The following FSIP1 variants were observed in gnomAD, a reference collection of about 807,000 sequenced individuals.
FSIP1 encodes fibrous sheath-interacting protein 1.
FSIP1 carries 65 observed loss-of-function variants against 60.9 expected under a neutral mutation model. That is an observed-to-expected ratio of 1.07 (90% CI 0.87 to 1.31). FSIP1 has a LOEUF of 1.31. Among genes scored for constraint, FSIP1 ranks in the 40% most tolerant of loss-of-function variants. The probability of loss-of-function intolerance (pLI) is 0.00; values close to 1 mark genes in which losing one functional copy is unlikely to be tolerated. For missense variants in FSIP1, 675 were observed against 665.5 expected, an observed-to-expected ratio of 1.01 and a Z score of -0.16; for synonymous variants, 209 against 221.2, an observed-to-expected ratio of 0.94 and a Z score of 0.49.
chr15:39,677,266 A>C (rs1053635663), intron 10 of FSIP1, among the ~76,000 whole-genome samples: 3 of 152,220 alleles, frequency 2.0e-5, no homozygotes, highest in Non-Finnish European at 2.9e-5. Context: ...TCAAAAGAAC[A>C]AACATACACA....
chr15:39,693,263 G>A (rs1000979081), intron 10 of FSIP1, among the ~76,000 whole-genome samples: 1 of 152,178 alleles, frequency 6.6e-6, no homozygotes, highest in African/African-American at 2.4e-5. Flanking sequence ...GACTTCCAAT[G>A]CTCTCACTGG....
intron 9 of FSIP1, among the ~76,000 whole-genome samples, chr15:39,724,275 C>T (rs563996297): frequency 5.5e-5 from 8 of 146,142 alleles, no homozygotes; most frequent in South Asian, 2.1e-4. Context: ...TTTTTTGAGA[C>T]GGAGTCTCAC....
At chr15:39,739,127 C>T (rs1313523996) in intron 7 of FSIP1, among the ~76,000 whole-genome samples, 1 of 152,154 alleles carries the variant, frequency 6.6e-6, no homozygotes, top group African/African-American at 2.4e-5. Context: ...GCTGCAAGGC[C>T]TGTAAGACCA....
chr15:39,617,771 G>T lies in FSIP1; in HGVS notation c.1663C>A (p.His555Asn). The T allele has an allele frequency of 6.2e-7, 1 of 1,613,840 alleles. No homozygotes were observed. Residue 555 changes from histidine (H) to asparagine (N), a missense_variant, in exon 11 of 12, where the codon CAT (histidine) becomes AAT (asparagine). Coordinates refer to ENST00000350221, the MANE Select transcript of FSIP1 (RefSeq NM_152597.5). The part of the protein sequence containing the change: ...ISVSLSSEDQ[H>N]LKLSSPENTI... ...TTCTCTGGAGAACTGAGTTTCAGAT[G>T]TTGGTCTTCTGATGAAAGGCTCACA...
At chr15:39,739,117 G>C (rs1896716206) in intron 7 of FSIP1, among the ~76,000 whole-genome samples, 1 of 152,154 alleles carries the variant, frequency 6.6e-6, no homozygotes, top group Non-Finnish European at 1.5e-5. Context: ...TTAAAGACAG[G>C]CTGCAAGGCC....
chr15:39,739,858 G>T, intron 6 of FSIP1, 69 bp from the exon 7 acceptor site: 1 of 957,274 alleles, frequency 1.0e-6, no homozygotes, highest in Non-Finnish European at 1.5e-6. Flanking sequence ...TTCACTTTAA[G>T]CATATATTAA....
chr15:39,671,865 T>C (rs1346668472), intron 10 of FSIP1, among the ~76,000 whole-genome samples: 1 of 152,190 alleles, frequency 6.6e-6, no homozygotes, highest in East Asian at 1.9e-4. Context: ...TTAGATTTAA[T>C]TTTCAGTGCA....
intron 10 of FSIP1, among the ~76,000 whole-genome samples, chr15:39,655,381 C>T (rs572619571): frequency 1.4e-3 from 208 of 152,288 alleles, no homozygotes; most frequent in African/African-American, 4.6e-3. Flanking sequence ...ATCAAAAGGA[C>T]ATTTTCATCC....
chr15:39,780,618 A>G (rs1272140345), intron 1 of FSIP1, among the ~76,000 whole-genome samples: 1 of 152,248 alleles, frequency 6.6e-6, no homozygotes, highest in Non-Finnish European at 1.5e-5. Context: ...CCATAGATGC[A>G]GCACTTTTTT....
chr15:39,705,949 G>C (rs1895247406), intron 10 of FSIP1, among the ~76,000 whole-genome samples: 2 of 144,252 alleles, frequency 1.4e-5, no homozygotes, highest in South Asian at 4.3e-4. Context: ...AGTGAGCTGA[G>C]ATCATGCCAT....
chr15:39,652,262 T>A (rs1892902115), intron 10 of FSIP1, among the ~76,000 whole-genome samples: 1 of 152,238 alleles, frequency 6.6e-6, no homozygotes, highest in Admixed American at 6.5e-5. Context: ...GAATGAAGTT[T>A]AATTCTCAGT....
chr15:39,713,445 A>G lies in FSIP1; in HGVS notation c.1187T>C (p.Val396Ala), dbSNP rs754976627. Residue 396 changes from valine to alanine, a missense_variant and splice_region_variant, in exon 10 of 12, where the codon GTG (valine) becomes GCG (alanine). Val to Ala is a moderately conservative substitution (Grantham distance 64). Transcript: ENST00000350221. ...DEKLKMMKEN[V>A]LESTSCLSEE... ...ATTAATTAAAACAAAAAGACTTACC[A>G]CATTTTCCTTCATCATTTTCAGCTT... is the stretch of plus-strand genomic sequence containing the variant. 8.8e-6 allele frequency: 14 copies of G among 1,590,714 alleles called. No homozygotes were observed. In the African/African-American group the frequency reaches 1.6e-4, roughly 19 times the overall value.
chr15:39,647,695 T>C (rs1892675553), intron 10 of FSIP1, among the ~76,000 whole-genome samples: 1 of 114,192 alleles, frequency 8.8e-6, no homozygotes, highest in African/African-American at 5.8e-5. Flanking sequence ...CAAAAAATTA[T>C]CACTTAATAG....
intron 10 of FSIP1, among the ~76,000 whole-genome samples, chr15:39,698,764 C>G (rs925929849): frequency 1.3e-5 from 2 of 152,286 alleles, no homozygotes; most frequent in Middle Eastern, 3.4e-3. Flanking sequence ...ACCACAATTC[C>G]CTTGCAAAAC....
chr15:39,701,333 T>G (rs1027368081), intron 10 of FSIP1, among the ~76,000 whole-genome samples: 2 of 152,126 alleles, frequency 1.3e-5, no homozygotes, highest in Admixed American at 6.5e-5. Context: ...AAAATCCACC[T>G]TATTGGCAAA....
In FSIP1 at chr15:39,770,624, C is replaced by CA. The variant is rs749266099; in HGVS notation, c.127-15dup. 3,878 of 1,363,604 alleles carry CA rather than the reference C, an allele frequency of 2.8e-3. No homozygotes were observed. Among genetic ancestry groups the CA allele is most frequent in the South Asian group, 7.2e-3 (419 of 58,226 alleles). 84.5% of individuals were successfully genotyped at this position (1,363,604 alleles called of 1,614,324 possible). A position where few individuals can be genotyped will look rare whatever the true frequency, so the allele number is the denominator to read the frequency against. Reference sequence around the variant, plus strand: ...TGCAGTATCGACCTAAAAATAATTTCAAAAAAAAAACAGTTTCCGAAAATA... The same window carrying CA: ...TGCAGTATCGACCTAAAAATAATTTCAAAAAAAAAAACAGTTTCCGAAAATA... On this transcript the variant is annotated splice_polypyrimidine_tract_variant and intron_variant, in intron 2 of 11. Coordinates refer to ENST00000350221, the MANE Select transcript of FSIP1 (RefSeq NM_152597.5).
At chr15:39,738,355 C>A (rs1391842148) in intron 7 of FSIP1, among the ~76,000 whole-genome samples, 154 bp from the exon 8 acceptor site, 1 of 151,872 alleles carries the variant, frequency 6.6e-6, no homozygotes, top group Admixed American at 6.6e-5. Context: ...TATTTTATAC[C>A]AAAATTTTTA....
chr15:39,653,004 T>A (rs1892934345), intron 10 of FSIP1, among the ~76,000 whole-genome samples: 1 of 151,936 alleles, frequency 6.6e-6, no homozygotes. Context: ...GGCAAAACTC[T>A]GTCTCTACAA....
intron 10 of FSIP1, among the ~76,000 whole-genome samples, chr15:39,663,437 T>C (rs1172458899): frequency 6.6e-6 from 1 of 152,186 alleles, no homozygotes; most frequent in African/African-American, 2.4e-5. Flanking sequence ...CTATGTGTAT[T>C]CAAATCTACG....
Sources: gnomAD v4.1 joint callset for allele counts (sites outside exome capture counted in the v4.1 genomes callset) on GRCh38, gnomAD v4.1.1 for gene constraint, MANE v1.5 for transcripts, NCBI Gene and HGNC (gene_info 2026-07-23, HGNC 2026-07-21) for gene names.